The following CRB1 variants were observed in gnomAD, a reference collection of about 807,000 sequenced individuals.
CRB1 encodes the protein protein crumbs homolog 1.
In CRB1, 83 loss-of-function variants were observed where a neutral mutation model predicts 120.0. The observed-to-expected ratio is 0.69, with a 90% CI of 0.58 to 0.83. The LOEUF (loss-of-function observed/expected upper bound fraction) is 0.83, where lower values mean the gene tolerates loss of function less well. Among genes scored for constraint, CRB1 ranks in the 40% least tolerant of loss-of-function variants. The pLI is 0.00. For synonymous variants in CRB1, 625 were observed against 612.5 expected, an observed-to-expected ratio of 1.02 and a Z score of -0.30; for missense variants, 1,699 against 1,687.6, an observed-to-expected ratio of 1.01 and a Z score of -0.12.
intron 2 of CRB1, among the ~76,000 whole-genome samples, chr1:197,331,630 CA>C (rs1658860742): frequency 6.6e-6 from 1 of 151,976 alleles, no homozygotes; most frequent in Admixed American, 6.6e-5. Flanking sequence ...ATTTAAAAAT[CA>C]ATACAGTTCA....
upstream of CRB1, among the ~76,000 whole-genome samples, chr1:197,267,647 C>A (rs1023037223): frequency 6.6e-6 from 1 of 152,102 alleles, no homozygotes; most frequent in Non-Finnish European, 1.5e-5. Flanking sequence ...AGGACTTGAA[C>A]AATTTAATCT....
chr1:197,202,181 A>G, the CRB1 span, among the ~76,000 whole-genome samples: 3 of 152,210 alleles, frequency 2.0e-5, no homozygotes, highest in African/African-American at 7.2e-5. Flanking sequence ...CAACCTGACA[A>G]CTAAAAGGGC....
chr1:197,382,179 A>G (rs974798503), intron 5 of CRB1, among the ~76,000 whole-genome samples: 4 of 152,224 alleles, frequency 2.6e-5, no homozygotes, highest in Admixed American at 2.6e-4. Flanking sequence ...AGACAATAAC[A>G]GTAACCTAAC....
At chr1:197,337,961 G>T (rs1659249717) in intron 2 of CRB1, among the ~76,000 whole-genome samples, 1 of 151,768 alleles carries the variant, frequency 6.6e-6, no homozygotes, top group African/African-American at 2.4e-5. Flanking sequence ...AAAGTAATTT[G>T]CTATGATTAA....
chr1:197,385,298 C>T (rs61829426), intron 5 of CRB1, among the ~76,000 whole-genome samples: 2,581 of 152,222 alleles, frequency 0.017, 31 homozygotes, highest in Non-Finnish European at 0.028. Flanking sequence ...AATTGCTTTT[C>T]CAAAACAATA....
At chr1:197,275,424 T>C (rs1016597308) in intron 1 of CRB1, among the ~76,000 whole-genome samples, 1 of 152,086 alleles carries the variant, frequency 6.6e-6, no homozygotes, top group Non-Finnish European at 1.5e-5. Flanking sequence ...TTGGTAAATA[T>C]TTGTGGAGTA....
intron 9 of CRB1, among the ~76,000 whole-genome samples, chr1:197,436,106 A>G (rs1353676199): frequency 1.3e-5 from 2 of 152,122 alleles, no homozygotes; most frequent in African/African-American, 4.8e-5. Flanking sequence ...GCAGTTGAAA[A>G]TCCACATTTA....
chr1:197,226,183 A>G, the CRB1 span, among the ~76,000 whole-genome samples: 1 of 152,238 alleles, frequency 6.6e-6, no homozygotes, highest in East Asian at 1.9e-4. Flanking sequence ...TGTGGGGATT[A>G]CAGGCATGAG....
the CRB1 span, among the ~76,000 whole-genome samples, chr1:197,237,914 T>C: frequency 6.6e-6 from 1 of 152,266 alleles, no homozygotes; most frequent in South Asian, 2.1e-4. Flanking sequence ...GTCTTCTTTT[T>C]CTAGGTTCTT....
intron 1 of CRB1, among the ~76,000 whole-genome samples, chr1:197,299,270 C>G (rs549424732): frequency 6.6e-6 from 1 of 152,076 alleles, no homozygotes; most frequent in African/African-American, 2.4e-5. Context: ...CACTAGTTAT[C>G]AGGGAAATGC....
the CRB1 span, among the ~76,000 whole-genome samples, chr1:197,204,754 G>A: frequency 6.6e-6 from 1 of 152,058 alleles, no homozygotes; most frequent in Non-Finnish European, 1.5e-5. Flanking sequence ...TGTTTCTTTT[G>A]CTGTGCAGAA....
the CRB1 span, among the ~76,000 whole-genome samples, chr1:197,244,957 A>G: frequency 2.0e-5 from 3 of 151,654 alleles, no homozygotes; most frequent in South Asian, 6.2e-4. Flanking sequence ...TTCTGCTGTC[A>G]AGCTTATCTG....
intron 5 of CRB1, among the ~76,000 whole-genome samples, chr1:197,397,132 A>C (rs1662811467): frequency 6.6e-6 from 1 of 152,164 alleles, no homozygotes; most frequent in African/African-American, 2.4e-5. Context: ...AAAAAATTTA[A>C]ATAAATACTT....
At chr1:197,264,388 G>T (rs1415373371), upstream of CRB1, among the ~76,000 whole-genome samples, 2 of 152,136 alleles carry the variant, frequency 1.3e-5, no homozygotes, top group East Asian at 3.9e-4. Flanking sequence ...GGACATTTAG[G>T]TTAGTTCTAT....
chr1:197,236,818 T>C, the CRB1 span, among the ~76,000 whole-genome samples: 60 of 152,356 alleles, frequency 3.9e-4, no homozygotes, highest in East Asian at 0.01. Context: ...TTACATTGAT[T>C]TGCTAATGTT....
At chr1:197,206,355 T>G in the CRB1 span, among the ~76,000 whole-genome samples, 2 of 152,212 alleles carry the variant, frequency 1.3e-5, no homozygotes, top group Non-Finnish European at 2.9e-5. Context: ...GATTGTCTAT[T>G]TGTGCTCTTT....
At chr1:197,473,662 G>T (rs1485334072) in intron 11 of CRB1, among the ~76,000 whole-genome samples, 4 of 151,974 alleles carry the variant, frequency 2.6e-5, no homozygotes, top group African/African-American at 7.2e-5. Context: ...ATTAATTTGG[G>T]GTATGTCTTT....
At chr1:197,444,367 G>A (rs887554561) in intron 11 of CRB1, 2 of 152,152 alleles carry the variant, frequency 1.3e-5, no homozygotes, top group African/African-American at 2.4e-5. Flanking sequence ...AAGGCTGAAC[G>A]TGTGATGCTG....
rs137950488 is a variant in CRB1 at position 197,317,375 on chromosome 1, G to A, written c.71-11047G>A. Among the ~76,000 whole-genome samples, 202 of 152,112 alleles carry A rather than the reference G, an allele frequency of 1.3e-3. 2 individuals are homozygous for A. The highest frequency in any genetic ancestry group is 4.6e-3 in the African/African-American group (190 of 41,496). ...GGAGGTTGCAGTGAACCGAGATCAC[G>A]CCTTTGCACTCCAGCCTGGGTGACA... On this transcript the variant is annotated intron_variant, in intron 1 of 11. Transcript: ENST00000367400.
Sources: allele counts gnomAD v4.1 joint callset (sites outside exome capture counted in the v4.1 genomes callset), GRCh38; gene constraint gnomAD v4.1.1; transcripts MANE v1.5; gene names NCBI Gene and HGNC (gene_info 2026-07-23, HGNC 2026-07-21).